Variants in LYRM4 observed in about 807,000 individuals in gnomAD.
The protein encoded by LYRM4 is LYR motif containing 4.
In LYRM4, 9 loss-of-function variants were observed where a neutral mutation model predicts 11.7. The observed-to-expected ratio is 0.77, with a 90% CI of 0.46 to 1.34. LYRM4 has a LOEUF of 1.34. Among genes scored for constraint, LYRM4 ranks in the 40% most tolerant of loss-of-function variants. The pLI, the probability that LYRM4 is intolerant of heterozygous loss-of-function variation, is 0.00. For missense variants in LYRM4, 133 were observed against 112.5 expected (o/e 1.18, Z -0.82); for synonymous variants, 42 against 40.4 (o/e 1.04, Z -0.15).
At chr6:5,051,099 T>C in the LYRM4 span, among the ~76,000 whole-genome samples, 1 of 152,116 alleles carries the variant, frequency 6.6e-6, no homozygotes, top group African/African-American at 2.4e-5. Flanking sequence ...AACATGAAGA[T>C]AGAACAATTG....
the LYRM4 span, among the ~76,000 whole-genome samples, chr6:5,054,756 T>C: frequency 6.6e-6 from 1 of 152,066 alleles, no homozygotes; most frequent in Non-Finnish European, 1.5e-5. Flanking sequence ...TAACATTGAC[T>C]CAGAGACCTT....
the LYRM4 span, among the ~76,000 whole-genome samples, chr6:5,039,819 C>A: frequency 6.6e-6 from 1 of 151,892 alleles, no homozygotes; most frequent in African/African-American, 2.4e-5. Flanking sequence ...GAAGAAAGAA[C>A]TAAATAAAAG....
chr6:5,058,435 C>T, the LYRM4 span, among the ~76,000 whole-genome samples: 46 of 152,326 alleles, frequency 3.0e-4, 1 homozygote, highest in South Asian at 8.3e-4. Context: ...CACCAGCCAT[C>T]GTTCTCCAAA....
intron 1 of LYRM4, among the ~76,000 whole-genome samples, chr6:5,217,427 G>A (rs1439920870): frequency 2.0e-5 from 3 of 152,144 alleles, no homozygotes; most frequent in Admixed American, 6.5e-5. Flanking sequence ...CTTGCCCATC[G>A]GACAGGCTTG....
intron 2 of LYRM4, among the ~76,000 whole-genome samples, chr6:5,150,129 C>G (rs1384702065): frequency 6.6e-6 from 1 of 152,228 alleles, no homozygotes; most frequent in Non-Finnish European, 1.5e-5. Context: ...TGCACCGCAG[C>G]CCATCTGTCC....
the LYRM4 span, among the ~76,000 whole-genome samples, chr6:5,093,839 A>G: frequency 6.6e-6 from 1 of 152,248 alleles, no homozygotes; most frequent in African/African-American, 2.4e-5. Flanking sequence ...CCATTGTAAT[A>G]TCACTGAAAT....
At position 5,137,835 on chromosome 6, in the gene LYRM4, A is replaced by T. The variant is rs1336420133; in HGVS notation, c.208-28344T>A. Among the ~76,000 whole-genome samples the T allele has an allele frequency of 2.6e-5, 4 of 152,174 alleles. No homozygotes were observed. The South Asian group carries it at 6.2e-4, about 24-fold the overall frequency. On this transcript the variant is annotated intron_variant, in intron 2 of 2. Transcript: ENST00000330636. ...AGAGTTGACAGGCTTTGTCCTTGCA[A>T]GCTGCCTGTGGCCCACCACCCAAAT...
intron 1 of LYRM4, among the ~76,000 whole-genome samples, chr6:5,223,393 T>C (rs1402319895): frequency 1.3e-5 from 2 of 152,206 alleles, no homozygotes; most frequent in African/African-American, 4.8e-5. Flanking sequence ...ATTTCAAAAA[T>C]GTAGGCCAAG....
the LYRM4 span, among the ~76,000 whole-genome samples, chr6:5,053,830 C>A: frequency 6.6e-6 from 1 of 152,110 alleles, no homozygotes; most frequent in Non-Finnish European, 1.5e-5. Flanking sequence ...AGGTAAGTAA[C>A]CTATCAAGCA....
the LYRM4 span, among the ~76,000 whole-genome samples, chr6:5,041,048 C>T: frequency 1.3e-5 from 2 of 152,080 alleles, no homozygotes; most frequent in Non-Finnish European, 2.9e-5. Context: ...TGCCTGTAGT[C>T]CCAGCTAATT....
At chr6:5,041,101 GT>G in the LYRM4 span, among the ~76,000 whole-genome samples, 1 of 152,070 alleles carries the variant, frequency 6.6e-6, no homozygotes, top group Non-Finnish European at 1.5e-5. Flanking sequence ...GGAGGTGGAG[GT>G]TGCAGTGAGT....
chr6:5,119,858 C>T (rs1266790458), intron 2 of LYRM4, among the ~76,000 whole-genome samples: 1 of 146,614 alleles, frequency 6.8e-6, no homozygotes, highest in African/African-American at 2.5e-5. Context: ...TGGTCTCTTT[C>T]TGTGGCATCT....
chr6:5,255,855 CAAAT>C (rs1764640083), intron 1 of LYRM4, among the ~76,000 whole-genome samples: 1 of 152,158 alleles, frequency 6.6e-6, no homozygotes. Flanking sequence ...CAGATATTGT[CAAAT>C]AAAATCACCC....
chr6:5,219,535 C>A (rs923948536), intron 1 of LYRM4, among the ~76,000 whole-genome samples: 1 of 152,168 alleles, frequency 6.6e-6, no homozygotes, highest in Non-Finnish European at 1.5e-5. Context: ...CTCAGAACCA[C>A]AAAACTACTA....
intron 1 of LYRM4, among the ~76,000 whole-genome samples, chr6:5,226,106 A>T (rs1762876907): frequency 6.6e-6 from 1 of 152,112 alleles, no homozygotes; most frequent in African/African-American, 2.4e-5. Context: ...GGCTATGTTT[A>T]TGGTGCTTTT....
chr6:5,144,339 A>T, intron 2 of LYRM4: 1 of 1,508,632 alleles, frequency 6.6e-7, no homozygotes, highest in Non-Finnish European at 8.9e-7. Flanking sequence ...CTTACGTGTA[A>T]GAAATATGTC....
intron 2 of LYRM4, among the ~76,000 whole-genome samples, chr6:5,142,339 C>G (rs1292767389): frequency 1.3e-5 from 2 of 150,448 alleles, no homozygotes; most frequent in Non-Finnish European, 3.0e-5. Context: ...ACACCCTGGC[C>G]AGACTCCTGG....
the LYRM4 span, among the ~76,000 whole-genome samples, chr6:5,041,158 C>T: frequency 4.0e-5 from 6 of 150,454 alleles, no homozygotes; most frequent in Admixed American, 2.6e-4. Flanking sequence ...GAGTGAGACT[C>T]GTCTCAAAAA....
chr6:5,221,623 CG>C (rs1762589415), intron 1 of LYRM4, among the ~76,000 whole-genome samples: 1 of 152,204 alleles, frequency 6.6e-6, no homozygotes, highest in Non-Finnish European at 1.5e-5. Context: ...AACCCGGAGG[CG>C]GAAGTTGCAG....
Sources: allele counts gnomAD v4.1 joint callset (sites outside exome capture counted in the v4.1 genomes callset), GRCh38; gene constraint gnomAD v4.1.1; transcripts MANE v1.5; gene names NCBI Gene and HGNC (gene_info 2026-07-23, HGNC 2026-07-21).